The following SLC10A7 variants were observed in gnomAD, a reference collection of about 807,000 sequenced individuals.
SLC10A7 encodes sodium/bile acid cotransporter 7.
Under a neutral mutation model 43.2 loss-of-function variants are expected in SLC10A7, and 29 were observed. The ratio of observed to expected loss-of-function variants is 0.67; its 90% CI spans 0.50 to 0.92. The LOEUF is 0.92. Among genes scored for constraint, SLC10A7 ranks in the 40% least tolerant of loss-of-function variants. SLC10A7 has a pLI of 0.00. For synonymous variants in SLC10A7, 152 were observed against 144.8 expected, an observed-to-expected ratio of 1.05 and a Z score of -0.35; for missense variants, 295 against 403.2, an observed-to-expected ratio of 0.73 and a Z score of 2.30.
Position 146,283,178 on chromosome 4 carries a change from T to C in SLC10A7, c.847+14A>G, listed in dbSNP as rs1003661322. On this transcript the variant is annotated intron_variant, in intron 10 of 11. Transcript: ENST00000335472. ...GAGGGTAATAGGTGGTTTTTAACTC[T>C]GTGAATCACTTACCCAATGTAAGGG... 6.2e-7 allele frequency: 1 copy of C among 1,603,774 alleles called. No individual in the cohort carries two copies. Among genetic ancestry groups the C allele is most frequent in the African/African-American group, 1.3e-5 (1 of 74,706 alleles).
intron 10 of SLC10A7, among the ~76,000 whole-genome samples, chr4:146,259,761 C>T (rs752490914): frequency 2.0e-5 from 3 of 152,242 alleles, no homozygotes; most frequent in Non-Finnish European, 4.4e-5. Context: ...CTATAACTAA[C>T]ACAATTCAGA....
chr4:146,304,443 T>C (rs1243369154), intron 7 of SLC10A7, among the ~76,000 whole-genome samples: 2 of 152,268 alleles, frequency 1.3e-5, no homozygotes, highest in South Asian at 2.1e-4. Context: ...GATTCTGGTA[T>C]GTTGTGTCTT....
intron 4 of SLC10A7, among the ~76,000 whole-genome samples, chr4:146,469,061 T>G (rs1733326765): frequency 6.6e-6 from 1 of 152,052 alleles, no homozygotes; most frequent in Non-Finnish European, 1.5e-5. Flanking sequence ...AAAGCAAAGC[T>G]GAATGGGGAG....
chr4:146,326,524 T>C (rs544353945), intron 5 of SLC10A7, among the ~76,000 whole-genome samples: 1 of 152,182 alleles, frequency 6.6e-6, no homozygotes, highest in Non-Finnish European at 1.5e-5. Flanking sequence ...CATGTCTCCA[T>C]GGTGGAAGGC....
chr4:146,350,000 A>T (rs887673117), intron 5 of SLC10A7, among the ~76,000 whole-genome samples: 24 of 151,632 alleles, frequency 1.6e-4, no homozygotes, highest in Non-Finnish European at 2.2e-4. Flanking sequence ...AGTTGAAATT[A>T]AAAAAAAATA....
intron 6 of SLC10A7, among the ~76,000 whole-genome samples, chr4:146,306,714 C>A (rs1004096176): frequency 6.6e-6 from 1 of 152,148 alleles, no homozygotes; most frequent in East Asian, 1.9e-4. Flanking sequence ...CACAGTAACA[C>A]ACTCACGTTA....
intron 4 of SLC10A7, among the ~76,000 whole-genome samples, chr4:146,461,799 G>A (rs1462731123): frequency 6.8e-6 from 1 of 146,496 alleles, no homozygotes; most frequent in Non-Finnish European, 1.5e-5. Context: ...GATAGGCTAG[G>A]TGCTTAAAAG....
chr4:146,383,973 CTG>C (rs1483097367), intron 5 of SLC10A7, among the ~76,000 whole-genome samples: 1 of 152,142 alleles, frequency 6.6e-6, no homozygotes, highest in Non-Finnish European at 1.5e-5. Flanking sequence ...CACTGATTAA[CTG>C]TGTAATTTAG....
chr4:146,485,840 T>G (rs1039336429), intron 4 of SLC10A7, among the ~76,000 whole-genome samples: 1 of 151,444 alleles, frequency 6.6e-6, no homozygotes, highest in East Asian at 1.9e-4. Flanking sequence ...GGTGAAGGAA[T>G]TAAAATTCAC....
intron 5 of SLC10A7, among the ~76,000 whole-genome samples, chr4:146,430,710 C>T (rs889345838): frequency 1.3e-5 from 2 of 152,030 alleles, no homozygotes; most frequent in African/African-American, 4.8e-5. Context: ...AAGCTATAAG[C>T]TCAGAGTATA....
chr4:146,354,603 A>G (rs1444829579), intron 5 of SLC10A7, among the ~76,000 whole-genome samples: 1 of 149,744 alleles, frequency 6.7e-6, no homozygotes, highest in Admixed American at 6.6e-5. Context: ...CCAAAAGAAC[A>G]AAGCTGGAGG....
intron 9 of SLC10A7, among the ~76,000 whole-genome samples, chr4:146,284,438 G>T (rs1011072811): frequency 6.6e-6 from 1 of 152,066 alleles, no homozygotes; most frequent in Non-Finnish European, 1.5e-5. Context: ...GAGGAGAGAA[G>T]AGTCCCCTCA....
chr4:146,471,327 T>C (rs188700166), intron 4 of SLC10A7, among the ~76,000 whole-genome samples: 1 of 152,356 alleles, frequency 6.6e-6, no homozygotes, highest in East Asian at 1.9e-4. Flanking sequence ...ATAGAAGTTA[T>C]CTAGAACACT....
intron 5 of SLC10A7, among the ~76,000 whole-genome samples, chr4:146,335,250 GTAAAAAAAAA>G (rs1733805527): frequency 4.2e-5 from 3 of 70,602 alleles, no homozygotes; most frequent in East Asian, 4.4e-4. Flanking sequence ...CACAGATGTT[GTAAAAAAAAA>G]AAAAAAAAAA....
At position 146,254,275 on chromosome 4, in the gene SLC10A7, CATAAAT is replaced by C. The variant is rs1350745846; in HGVS notation, c.*2210_*2215del. 4 of 151,642 alleles carry C rather than the reference CATAAAT, an allele frequency of 2.6e-5. No homozygotes were observed. The South Asian group carries it at 6.2e-4, about 24-fold the overall frequency. The allele number at this position is 151,642 out of a possible 1,614,324, so 9.4% of individuals were successfully genotyped here. On this transcript the variant is annotated 3_prime_UTR_variant, in exon 12 of 12. Transcript: ENST00000335472. ...AAATCCAGGTGGAAAAATGAGTAAA[CATAAAT>C]ATAATCTAATGTATTTCTTTCATAA...
At position 146,379,985 on chromosome 4, in the gene SLC10A7, G is replaced by A. The variant is rs149272650; in HGVS notation, c.436-53989C>T. 3.0e-3 allele frequency among the ~76,000 whole-genome samples: 460 copies of A among 151,732 alleles called. 2 individuals are homozygous for A. The highest frequency in any genetic ancestry group is 7.2e-3 in the African/African-American group (299 of 41,402). ...TGTGTGTGTGTGTGTGTGTGTGTGCGTGTGTGTATGCAAGAATATGGGTAA... is the reference window on the plus strand; with the variant it reads ...TGTGTGTGTGTGTGTGTGTGTGTGCATGTGTGTATGCAAGAATATGGGTAA... On this transcript the variant is annotated intron_variant, in intron 5 of 11. Coordinates refer to ENST00000335472, the MANE Select transcript of SLC10A7 (RefSeq NM_001029998.6).
chr4:146,302,042 A>G (rs1258107302), intron 7 of SLC10A7, among the ~76,000 whole-genome samples: 2 of 152,244 alleles, frequency 1.3e-5, no homozygotes, highest in Admixed American at 6.5e-5. Flanking sequence ...TTTAAATTAC[A>G]TACATTATAT....
intron 4 of SLC10A7, among the ~76,000 whole-genome samples, chr4:146,474,710 T>C (rs1733882770): frequency 6.6e-6 from 1 of 152,180 alleles, no homozygotes; most frequent in African/African-American, 2.4e-5. Context: ...GCTTAAAATT[T>C]ATAAAACTTA....
chr4:146,299,688 A>G (rs1731026362), intron 7 of SLC10A7, among the ~76,000 whole-genome samples: 1 of 152,182 alleles, frequency 6.6e-6, no homozygotes, highest in Non-Finnish European at 1.5e-5. Flanking sequence ...AAGGGACTTG[A>G]AGATAGAGGA....
Sources: gnomAD v4.1 joint callset for allele counts (sites outside exome capture counted in the v4.1 genomes callset) on GRCh38, gnomAD v4.1.1 for gene constraint, MANE v1.5 for transcripts, NCBI Gene and HGNC (gene_info 2026-07-23, HGNC 2026-07-21) for gene names.